The following NEBL variants were observed in gnomAD, a reference collection of about 807,000 sequenced individuals.
The protein encoded by NEBL is nebulette, also known as LIM and SH3 protein 2.
In NEBL, 122 loss-of-function variants were observed where a neutral mutation model predicts 140.2. The ratio of observed to expected loss-of-function variants is 0.87; its 90% CI spans 0.75 to 1.01. The LOEUF (loss-of-function observed/expected upper bound fraction) is 1.01, where lower values mean the gene tolerates loss of function less well. Ranked by LOEUF, NEBL falls within the 50% of genes least tolerant of loss-of-function variation. The pLI is 0.00. For synonymous variants in NEBL, 436 were observed against 398.9 expected (o/e 1.09, Z -1.11); for missense variants, 1,365 against 1,231.3 (o/e 1.11, Z -1.62).
intron 1 of NEBL, among the ~76,000 whole-genome samples, chr10:21,291,481 G>C (rs557299493): frequency 7.9e-5 from 12 of 151,230 alleles, no homozygotes; most frequent in Non-Finnish European, 1.6e-4. Flanking sequence ...ACTCCAGCCT[G>C]GGTGACAGAG....
chr10:21,207,028 C>T (rs1841838549), intron 3 of NEBL, among the ~76,000 whole-genome samples: 1 of 131,988 alleles, frequency 7.6e-6, no homozygotes, highest in Non-Finnish European at 1.5e-5. Context: ...GGCTAGAGTG[C>T]AGTGGTGCAG....
At chr10:21,085,614 G>A (rs952899630) in intron 2 of NEBL, among the ~76,000 whole-genome samples, 4 of 152,152 alleles carry the variant, frequency 2.6e-5, no homozygotes, top group Non-Finnish European at 4.4e-5. Flanking sequence ...CAGCCTCAGC[G>A]ACGGAGTAAG....
chr10:20,966,267 C>T (rs1273855817), intron 3 of NEBL, among the ~76,000 whole-genome samples: 2 of 152,132 alleles, frequency 1.3e-5, no homozygotes, highest in African/African-American at 4.8e-5. Context: ...TATATAACTT[C>T]CTGCAACATA....
intron 2 of NEBL, among the ~76,000 whole-genome samples, chr10:21,141,294 GGTAT>G (rs941433016): frequency 8.6e-5 from 13 of 152,018 alleles, no homozygotes; most frequent in Admixed American, 7.9e-4. Flanking sequence ...AAAGTTATAT[GGTAT>G]TTATGTAAGG....
intron 7 of NEBL, among the ~76,000 whole-genome samples, chr10:20,867,269 T>C (rs965758031): frequency 2.0e-5 from 3 of 152,140 alleles, no homozygotes; most frequent in Non-Finnish European, 4.4e-5. Flanking sequence ...TTAGGATGTT[T>C]AGTATCAAGG....
chr10:21,003,880 A>C (rs540083094), intron 3 of NEBL, among the ~76,000 whole-genome samples: 1 of 152,230 alleles, frequency 6.6e-6, no homozygotes, highest in Non-Finnish European at 1.5e-5. Flanking sequence ...TATGAAAGGG[A>C]ATAAAAAATA....
intron 21 of NEBL, among the ~76,000 whole-genome samples, chr10:20,816,208 C>T (rs138265758): frequency 1.3e-5 from 2 of 152,218 alleles, no homozygotes; most frequent in Non-Finnish European, 2.9e-5. Context: ...GTACATGTGT[C>T]CAAATCACTG....
At chr10:20,945,803 G>A (rs1366777049) in intron 4 of NEBL, among the ~76,000 whole-genome samples, 2 of 152,198 alleles carry the variant, frequency 1.3e-5, no homozygotes, top group African/African-American at 2.4e-5. Context: ...AAATCCTGGT[G>A]TAGAGGATTC....
At chr10:20,829,184 A>T (rs61855730) in intron 16 of NEBL, among the ~76,000 whole-genome samples, 9,645 of 152,216 alleles carry the variant, frequency 0.063, 412 homozygotes, top group Non-Finnish European at 0.094. Flanking sequence ...TTCCAAAATC[A>T]GTGAAGTTAA....
intron 24 of NEBL, among the ~76,000 whole-genome samples, chr10:20,810,392 C>A (rs1838022462): frequency 6.6e-6 from 1 of 152,120 alleles, no homozygotes; most frequent in African/African-American, 2.4e-5. Context: ...CTTTCTATAA[C>A]AGAAATGAAT....
chr10:20,791,072 A>T (rs1313534632), intron 26 of NEBL, among the ~76,000 whole-genome samples: 1 of 152,232 alleles, frequency 6.6e-6, no homozygotes, highest in East Asian at 1.9e-4. Flanking sequence ...ACAAGATTAA[A>T]GCCACAAATA....
At position 21,263,754 on chromosome 10, in the gene NEBL, C is replaced by T. The variant is rs1842767167; in HGVS notation, n.183-11926G>A. Reference sequence around the variant, plus strand: ...CCGAGGCAGGCGGATCACCTGAGGTCAGGAGTTCAAGACCAGCCTGGGCAA... The same window carrying T: ...CCGAGGCAGGCGGATCACCTGAGGTTAGGAGTTCAAGACCAGCCTGGGCAA... On this transcript the variant is annotated intron_variant and non_coding_transcript_variant, in intron 1 of 8. Transcript: ENST00000675702. Among the ~76,000 whole-genome samples, 3 of 152,282 alleles carry T rather than the reference C, an allele frequency of 2.0e-5. No individual in the cohort carries two copies. In the East Asian group the frequency reaches 5.8e-4, roughly 29 times the overall value.
chr10:21,144,611 A>C (rs1198239375), intron 2 of NEBL, among the ~76,000 whole-genome samples: 1 of 152,146 alleles, frequency 6.6e-6, no homozygotes, highest in Non-Finnish European at 1.5e-5. Flanking sequence ...CTGTAATCCC[A>C]GCTACCTCAG....
chr10:20,973,737 A>G (rs982157434), intron 3 of NEBL, among the ~76,000 whole-genome samples: 1 of 152,236 alleles, frequency 6.6e-6, no homozygotes, highest in Non-Finnish European at 1.5e-5. Context: ...AAGCCAGTCC[A>G]AGTCAAGAGG....
intron 4 of NEBL, among the ~76,000 whole-genome samples, chr10:20,884,797 T>C (rs1001931648): frequency 1.3e-5 from 2 of 152,260 alleles, no homozygotes; most frequent in Non-Finnish European, 2.9e-5. Context: ...AGGCATTATT[T>C]AGCCTTTGCC....
chr10:20,835,635 A>G lies in NEBL; in HGVS notation c.1339-12T>C, dbSNP rs751449936. 6.5e-7 allele frequency: 1 copy of G among 1,537,910 alleles called. No homozygotes were observed. Among genetic ancestry groups the G allele is most frequent in the East Asian group, 2.2e-5 (1 of 44,500 alleles). On this transcript the variant is annotated splice_polypyrimidine_tract_variant and intron_variant, in intron 13 of 27. Transcript: ENST00000377122. ...TTCTTGTATTCTTTCTGCAAAAGAC[A>G]ACATTTTACAACATTCAAACACTCA...
chr10:20,856,028 T>A (rs1000763526), intron 9 of NEBL, among the ~76,000 whole-genome samples: 1 of 152,166 alleles, frequency 6.6e-6, no homozygotes, highest in Admixed American at 6.5e-5. Flanking sequence ...ACAATAAAGT[T>A]GAGCAAATGT....
At chr10:20,871,896 A>T (rs1216951650) in intron 5 of NEBL, among the ~76,000 whole-genome samples, 2 of 152,194 alleles carry the variant, frequency 1.3e-5, no homozygotes, top group African/African-American at 4.8e-5. Flanking sequence ...TGGTAAATCA[A>T]TCTCATCCTA....
intron 2 of NEBL, among the ~76,000 whole-genome samples, chr10:21,089,197 T>C (rs978213746): frequency 6.6e-5 from 10 of 152,016 alleles, no homozygotes; most frequent in African/African-American, 2.4e-4. Context: ...ATTCAGGAAC[T>C]AGGCAGGAGG....
Sources: allele counts gnomAD v4.1 joint callset (sites outside exome capture counted in the v4.1 genomes callset), GRCh38; gene constraint gnomAD v4.1.1; transcripts MANE v1.5; gene names NCBI Gene and HGNC (gene_info 2026-07-23, HGNC 2026-07-21).